The following MOSMO variants were observed in gnomAD, a reference collection of about 807,000 sequenced individuals.
The protein encoded by MOSMO is modulator of smoothened.
Under a neutral mutation model 18.4 loss-of-function variants are expected in MOSMO, and 5 were observed. The ratio of observed to expected loss-of-function variants is 0.27; its 90% confidence interval spans 0.14 to 0.57. MOSMO has a LOEUF of 0.57. Ranked by LOEUF, MOSMO falls within the 20% of genes least tolerant of loss-of-function variation. The probability of loss-of-function intolerance (pLI) is 0.92; values close to 1 mark genes in which losing one functional copy is unlikely to be tolerated. For synonymous variants in MOSMO, 82 were observed against 82.3 expected, an observed-to-expected ratio of 1.00 and a Z score of 0.02; for missense variants, 138 against 211.8, an observed-to-expected ratio of 0.65 and a Z score of 2.16.
chr16:22,020,872 A>G (rs1899747177), intron 1 of MOSMO, among the ~76,000 whole-genome samples: 1 of 152,168 alleles, frequency 6.6e-6, no homozygotes, highest in African/African-American at 2.4e-5. Flanking sequence ...ATAGTTGTTC[A>G]CTGAGATTCT....
chr16:22,036,977 C>T (rs555696422), intron 1 of MOSMO, among the ~76,000 whole-genome samples: 4 of 152,272 alleles, frequency 2.6e-5, no homozygotes, highest in African/African-American at 9.6e-5. Flanking sequence ...AGTCATCAGC[C>T]TATGACTGAT....
chr16:22,083,864 C>G lies in MOSMO; in HGVS notation c.*2984C>G, dbSNP rs943326407. The G allele has an allele frequency of 2.9e-6, 1 of 350,180 alleles. No individual in the cohort carries two copies. The highest frequency in any genetic ancestry group is 2.3e-5 in the South Asian group (1 of 44,370). 21.7% of individuals were successfully genotyped at this position (350,180 alleles called of 1,614,324 possible). A position where few individuals can be genotyped will look rare whatever the true frequency, so the allele number is the denominator to read the frequency against. ...GCAAACATTTCAGTATGATTCTTTC[C>G]AAAGGTAATCCATGTTCTATGTTGT... On this transcript the variant is annotated 3_prime_UTR_variant, in exon 3 of 3. Transcript: ENST00000542527.
intron 1 of MOSMO, among the ~76,000 whole-genome samples, chr16:22,051,528 A>G (rs1268872505): frequency 6.6e-6 from 1 of 152,222 alleles, no homozygotes; most frequent in Non-Finnish European, 1.5e-5. Context: ...ATATTTAAAG[A>G]GTTCTTGTAC....
chr16:22,071,232 C>T (rs549619305), intron 1 of MOSMO, among the ~76,000 whole-genome samples: 25 of 152,040 alleles, frequency 1.6e-4, no homozygotes, highest in Admixed American at 5.2e-4. Flanking sequence ...GGGAGAGCCC[C>T]GTGAGAGGAG....
intron 1 of MOSMO, among the ~76,000 whole-genome samples, chr16:22,055,292 T>C (rs1283415913): frequency 6.6e-6 from 1 of 152,116 alleles, no homozygotes; most frequent in Non-Finnish European, 1.5e-5. Flanking sequence ...CTGTGTGTGT[T>C]AGTCAACACA....
At chr16:22,025,560 G>T (rs1412369229) in intron 1 of MOSMO, among the ~76,000 whole-genome samples, 1 of 152,142 alleles carries the variant, frequency 6.6e-6, no homozygotes, top group East Asian at 1.9e-4. Flanking sequence ...ATTGAAATCA[G>T]TGAGCCTAAC....
chr16:22,041,335 A>G (rs1423364109), intron 1 of MOSMO, among the ~76,000 whole-genome samples: 3 of 152,216 alleles, frequency 2.0e-5, no homozygotes, highest in African/African-American at 4.8e-5. Flanking sequence ...AGAAAGATCC[A>G]TAGCCTAAGA....
intron 1 of MOSMO, among the ~76,000 whole-genome samples, chr16:22,048,722 T>C (rs995225566): frequency 3.3e-5 from 5 of 152,154 alleles, no homozygotes; most frequent in Non-Finnish European, 5.9e-5. Flanking sequence ...ATTTATGGTT[T>C]CTTTTGACAA....
chr16:22,090,576 T>G (rs1465033003), downstream of MOSMO, among the ~76,000 whole-genome samples: 1 of 152,228 alleles, frequency 6.6e-6, no homozygotes, highest in Non-Finnish European at 1.5e-5. Flanking sequence ...TGCTCCTGGT[T>G]TGAAATGGGG....
At chr16:22,035,979 T>C (rs1403245055) in intron 1 of MOSMO, among the ~76,000 whole-genome samples, 3 of 152,230 alleles carry the variant, frequency 2.0e-5, no homozygotes, top group Non-Finnish European at 2.9e-5. Context: ...ATTGGTCTTG[T>C]ATCCTGCAAT....
intron 1 of MOSMO, among the ~76,000 whole-genome samples, chr16:22,022,446 G>A (rs1278165662): frequency 6.6e-6 from 1 of 152,182 alleles, no homozygotes; most frequent in Non-Finnish European, 1.5e-5. Context: ...TGCAGGTGCT[G>A]TGCTGCATAT....
At chr16:22,076,687 G>A (rs1250787473) in intron 2 of MOSMO, among the ~76,000 whole-genome samples, 1 of 152,096 alleles carries the variant, frequency 6.6e-6, no homozygotes, top group East Asian at 1.9e-4. Flanking sequence ...CATTTAGAAC[G>A]CATATAATTG....
At chr16:22,032,127 G>C (rs971720833) in intron 1 of MOSMO, among the ~76,000 whole-genome samples, 6 of 150,624 alleles carry the variant, frequency 4.0e-5, no homozygotes, top group Middle Eastern at 3.5e-3. Flanking sequence ...CTTTCCATAT[G>C]CTTATTGGCC....
downstream of MOSMO, among the ~76,000 whole-genome samples, chr16:22,090,982 G>A (rs1901302259): frequency 6.6e-6 from 1 of 152,104 alleles, no homozygotes; most frequent in South Asian, 2.1e-4. Context: ...ATGTATGCAG[G>A]AAGCAAAGAA....
At chr16:22,052,059 C>T (rs1018657506) in intron 1 of MOSMO, among the ~76,000 whole-genome samples, 1 of 152,072 alleles carries the variant, frequency 6.6e-6, no homozygotes, top group African/African-American at 2.4e-5. Context: ...ACTCTTTAAC[C>T]CAGAAATTTT....
At chr16:22,074,043 A>G (rs193009323) in intron 1 of MOSMO, among the ~76,000 whole-genome samples, 5 of 152,234 alleles carry the variant, frequency 3.3e-5, no homozygotes, top group African/African-American at 1.2e-4. Context: ...TTATTTCTAA[A>G]AATACATCAA....
At chr16:22,017,915 A>G (rs560364348) in intron 1 of MOSMO, among the ~76,000 whole-genome samples, 3 of 152,288 alleles carry the variant, frequency 2.0e-5, no homozygotes, top group East Asian at 3.9e-4. Flanking sequence ...GGGTGTTGCT[A>G]TCAATGGTAC....
intron 1 of MOSMO, among the ~76,000 whole-genome samples, chr16:22,058,935 A>G (rs1900590699): frequency 6.6e-6 from 1 of 152,172 alleles, no homozygotes; most frequent in Admixed American, 6.5e-5. Flanking sequence ...GCAGCTTGGG[A>G]ACAAACTTGA....
intron 1 of MOSMO, among the ~76,000 whole-genome samples, chr16:22,056,619 G>A (rs1900543557): frequency 6.6e-6 from 1 of 151,496 alleles, no homozygotes; most frequent in African/African-American, 2.4e-5. Flanking sequence ...CCCGACCTTA[G>A]GTGATCCGCC....
Sources: allele counts gnomAD v4.1 joint callset (sites outside exome capture counted in the v4.1 genomes callset), GRCh38; gene constraint gnomAD v4.1.1; transcripts MANE v1.5; gene names NCBI Gene and HGNC (gene_info 2026-07-23, HGNC 2026-07-21).